Variants in SEC31B observed in about 807,000 individuals in gnomAD.
SEC31B encodes the protein protein transport protein Sec31B.
SEC31B carries 113 observed loss-of-function variants against 135.0 expected under a neutral mutation model. That is an observed-to-expected ratio of 0.84 (90% CI 0.72 to 0.98). The LOEUF is 0.98. Among genes scored for constraint, SEC31B ranks in the 50% least tolerant of loss-of-function variants. The pLI, the probability that SEC31B is intolerant of heterozygous loss-of-function variation, is 0.00. For synonymous variants in SEC31B, 508 were observed against 549.4 expected (o/e 0.92, Z 1.05); for missense variants, 1,296 against 1,421.1 (o/e 0.91, Z 1.42).
chr10:100,502,265 G>T lies in SEC31B; in HGVS notation c.1399C>A (p.Gln467Lys), dbSNP rs1014441581. Residue 467 changes from glutamine to lysine, a missense_variant, in exon 11 of 26, where the codon CAG becomes AAG. Transcript: ENST00000370345. ...TTCAGGCTTCCCACCTTCAGGAACT[G>T]CCACAGCATCTTTTCACTTTGCAGT... is the stretch of plus-strand genomic sequence containing the variant. ...ALLQSEKMLWQFLKVTLEQDS... is the reference protein window; with the variant it reads ...ALLQSEKMLWKFLKVTLEQDS... 2 of 1,613,702 alleles carry T rather than the reference G, an allele frequency of 1.2e-6. No individual in the cohort carries two copies. Among genetic ancestry groups the T allele is most frequent in the African/African-American group, 2.7e-5 (2 of 74,920 alleles).
In SEC31B at chr10:100,509,038, T is replaced by G; in HGVS notation, c.464A>C (p.Asn155Thr). Residue 155 changes from asparagine to threonine, a missense_variant, in exon 5 of 26, where the codon AAT becomes ACT. Coordinates refer to ENST00000370345, the MANE Select transcript of SEC31B (RefSeq NM_015490.4). ...CTTGGATCCCAGGGTCATTGGCACA[T>G]TCAAGTTATTCAGATCCCAAATGAA... ...EIFIWDLNNL[N>T]VPMTLGSKSQ... 6.2e-7 allele frequency: 1 copy of G among 1,614,134 alleles called. No individual in the cohort carries two copies. The highest frequency in any genetic ancestry group is 8.5e-7 in the Non-Finnish European group (1 of 1,180,026).
chr10:100,517,901 G>A (rs886478041), intron 1 of SEC31B, among the ~76,000 whole-genome samples: 8 of 151,740 alleles, frequency 5.3e-5, no homozygotes, highest in African/African-American at 1.7e-4. Flanking sequence ...CCATCATTTA[G>A]TCTCCTTGAT....
rs1224220995 is a variant in SEC31B, at chr10:100,490,216, G to A, written c.2757C>T (p.Cys919=). 3.1e-6 allele frequency: 5 copies of A among 1,612,482 alleles called. No individual in the cohort carries two copies. Among genetic ancestry groups the A allele is most frequent in the Non-Finnish European group, 4.2e-6 (5 of 1,179,194 alleles). ...PLPGSPLPMA[C]PGIMRPGSTS... ...TAGAGCCAGGTCGCATGATGCCTGG[G>A]CATGCCATGGGTAGAGGGGAACCAG... The change falls in exon 21 of 26, where the codon TGC becomes TGT. Residue 919 remains cysteine (C), a synonymous_variant. Coordinates refer to ENST00000370345, the MANE Select transcript of SEC31B (RefSeq NM_015490.4).
intron 20 of SEC31B, 21 bp downstream of exon 20, chr10:100,490,685 G>T (rs1238019182): frequency 6.5e-7 from 1 of 1,548,026 alleles, no homozygotes; most frequent in Admixed American, 1.9e-5. Context: ...TGCCCAGATA[G>T]ATCTTCAGTG....
At chr10:100,514,975 C>A in intron 3 of SEC31B, among the ~76,000 whole-genome samples, 2 of 125,418 alleles carry the variant, frequency 1.6e-5, no homozygotes, top group African/African-American at 3.4e-5. Context: ...AGTGAGACTC[C>A]ATCTCAAAAA....
chr10:100,488,124 CCCCAG>C, intron 24 of SEC31B, 26 bp from the exon 25 acceptor site: 1 of 1,605,388 alleles, frequency 6.2e-7, no homozygotes, highest in South Asian at 1.1e-5. Flanking sequence ...TGGATTCCAA[CCCCAG>C]CCCCTAAGTC....
chr10:100,506,277 C>A lies in SEC31B; in HGVS notation c.882+44G>T, dbSNP rs374829821. ...ATGGCTGCAGCTGAGATTCTTCTAC[C>A]CTCTCTCTCCCATCCCAGCATGCCC... On this transcript the variant is annotated intron_variant, in intron 8 of 25. Transcript: ENST00000370345. 245 of 1,613,864 alleles carry A rather than the reference C, an allele frequency of 1.5e-4. 1 individual carries two copies. The highest frequency in any genetic ancestry group is 2.0e-4 in the Non-Finnish European group (241 of 1,179,948).
At chr10:100,513,365 C>T (rs1208570483) in intron 3 of SEC31B, among the ~76,000 whole-genome samples, 1 of 152,206 alleles carries the variant, frequency 6.6e-6, no homozygotes, top group Admixed American at 6.5e-5. Flanking sequence ...AAGTTCATGA[C>T]TCCCAAATTC....
At chr10:100,489,975 C>A in intron 21 of SEC31B, 33 bp downstream of exon 21, 1 of 1,533,062 alleles carries the variant, frequency 6.5e-7, no homozygotes, top group Non-Finnish European at 8.7e-7. Flanking sequence ...GAGGCAATAA[C>A]CCAGAAGAGG....
intron 19 of SEC31B, among the ~76,000 whole-genome samples, chr10:100,494,217 C>T (rs1013695693): frequency 4.6e-5 from 7 of 152,102 alleles, no homozygotes; most frequent in African/African-American, 1.2e-4. Context: ...TTTCCTCTCC[C>T]TCAGTACCCC....
At position 100,488,030 on chromosome 10, in the gene SEC31B, C is replaced by T. The variant is rs943819322; in HGVS notation, c.3357G>A (p.Gly1119=). The T allele has an allele frequency of 3.1e-6, 5 of 1,613,892 alleles. No individual in the cohort carries two copies. The highest frequency in any genetic ancestry group is 3.3e-5 in the Admixed American group (2 of 60,026). Reference sequence around the variant, plus strand: ...GAGCACAGCTAGCTGTACTTACTGTCCCCTCACAGAGCTTCTCATATAGAT... The same window carrying T: ...GAGCACAGCTAGCTGTACTTACTGTTCCCTCACAGAGCTTCTCATATAGAT... ...LEYLYEKLCE[G]TLSPHVVAGL... Residue 1119 remains glycine, a synonymous_variant, in exon 25 of 26, where the codon GGG becomes GGA. Transcript: ENST00000370345.
chr10:100,502,458 G>A lies in SEC31B; in HGVS notation c.1206C>T (p.Gly402=), dbSNP rs1851541552. 3 of 1,613,456 alleles carry A rather than the reference G, an allele frequency of 1.9e-6. No homozygotes were observed. Residue 402 remains glycine, a synonymous_variant, in exon 11 of 26, where the codon GGC becomes GGT. Transcript: ENST00000370345. The part of the protein sequence containing the change: ...FAFGGKLVTF[G]LPSTPAHLVP... The stretch of plus-strand genomic sequence containing the variant: ...CCAGATGGGCAGGGGTGCTGGGGAG[G>A]CCAAAAGTAACCAGCTTCCCTCCAA...
At chr10:100,488,737 T>C (rs1825999066) in intron 24 of SEC31B, 121 bp downstream of exon 24, 3 of 1,335,828 alleles carry the variant, frequency 2.2e-6, no homozygotes, top group Non-Finnish European at 3.0e-6. Context: ...AAGTACAAGA[T>C]AGAGACAGCA....
At chr10:100,498,335 C>A in intron 14 of SEC31B, 128 bp from the exon 15 acceptor site, 1 of 899,868 alleles carries the variant, frequency 1.1e-6, no homozygotes. Context: ...ACTAAATCCT[C>A]AAGTTTCACT....
chr10:100,514,475 C>T (rs1218045636), intron 3 of SEC31B, among the ~76,000 whole-genome samples: 11 of 151,304 alleles, frequency 7.3e-5, no homozygotes, highest in Admixed American at 3.3e-4. Context: ...TGGTTAGGGG[C>T]TAAGAGTATC....
chr10:100,499,339 C>G, intron 12 of SEC31B, 81 bp from the exon 13 acceptor site: 1 of 1,200,784 alleles, frequency 8.3e-7, no homozygotes, highest in South Asian at 1.3e-5. Flanking sequence ...TCTCCATACC[C>G]CACCAACTGT....
intron 10 of SEC31B, 74 bp from the exon 11 acceptor site, chr10:100,502,558 G>A (rs1026784313): frequency 7.3e-6 from 7 of 952,478 alleles, no homozygotes; most frequent in Non-Finnish European, 9.5e-6. Flanking sequence ...GATTCACAGA[G>A]AAGGCTATCT....
Position 100,505,431 on chromosome 10 carries a change from T to C in SEC31B, c.1109A>G (p.Gln370Arg). 1 of 1,601,708 alleles carries C rather than the reference T, an allele frequency of 6.2e-7. No homozygotes were observed. The highest frequency in any genetic ancestry group is 8.5e-7 in the Non-Finnish European group (1 of 1,173,954). The part of the protein sequence containing the change: ...PPLQVPEQVA[Q>R]APLIPPLKKP... Reference sequence around the variant, plus strand: ...TTTCAGGGGAGGTATCAGTGGTGCTTGTGCCACTTGCTCTGGCACCTGCAG... The same window carrying C: ...TTTCAGGGGAGGTATCAGTGGTGCTCGTGCCACTTGCTCTGGCACCTGCAG... The change falls in exon 10 of 26, where the codon CAA (glutamine) becomes CGA (arginine). Residue 370 changes from glutamine (Q) to arginine (R), a missense_variant. Coordinates refer to ENST00000370345, the MANE Select transcript of SEC31B (RefSeq NM_015490.4).
Position 100,499,608 on chromosome 10 carries a change from C to G in SEC31B, c.1411-10G>C. 1 of 1,576,472 alleles carries G rather than the reference C, an allele frequency of 6.3e-7. No homozygotes were observed. On this transcript the variant is annotated splice_polypyrimidine_tract_variant and intron_variant, in intron 11 of 25. Transcript: ENST00000370345. Reference sequence around the variant, plus strand: ...CTTGCTCTAAGGTCACCTAAGAAACCACAGAACACAGAAAAGATTCCATTA... The same window carrying G: ...CTTGCTCTAAGGTCACCTAAGAAACGACAGAACACAGAAAAGATTCCATTA...
Sources: gnomAD v4.1 joint callset for allele counts (sites outside exome capture counted in the v4.1 genomes callset) on GRCh38, gnomAD v4.1.1 for gene constraint, MANE v1.5 for transcripts, NCBI Gene and HGNC (gene_info 2026-07-23, HGNC 2026-07-21) for gene names.